The following NDUFAF6 variants were observed in gnomAD, a reference collection of about 807,000 sequenced individuals.
The protein encoded by NDUFAF6 is NADH:ubiquinone oxidoreductase complex assembly factor 6.
Under a neutral mutation model 40.8 loss-of-function variants are expected in NDUFAF6, and 45 were observed. That is an observed-to-expected ratio of 1.10 (90% CI 0.87 to 1.42). The LOEUF (loss-of-function observed/expected upper bound fraction) is 1.42. Among genes scored for constraint, NDUFAF6 ranks in the 40% most tolerant of loss-of-function variants. The pLI, the probability that NDUFAF6 is intolerant of heterozygous loss-of-function variation, is 0.00. For missense variants in NDUFAF6, 435 were observed against 418.5 expected (o/e 1.04, Z -0.34); for synonymous variants, 185 against 155.9 (o/e 1.19, Z -1.39).
chr8:94,954,533 G>A (rs1314499289), upstream of NDUFAF6, among the ~76,000 whole-genome samples: 3 of 152,198 alleles, frequency 2.0e-5, no homozygotes, highest in African/African-American at 7.2e-5. Flanking sequence ...GCTGGGTAAA[G>A]GGTTAGAGAG....
intron 2 of NDUFAF6, among the ~76,000 whole-genome samples, chr8:95,008,634 G>A (rs1216372824): frequency 1.3e-5 from 2 of 152,096 alleles, no homozygotes; most frequent in Non-Finnish European, 2.9e-5. Flanking sequence ...AGCCTCTCGA[G>A]TAGCCAGGAT....
At chr8:95,072,357 A>T (rs2132036528) in intron 9 of NDUFAF6, among the ~76,000 whole-genome samples, 1 of 152,238 alleles carries the variant, frequency 6.6e-6, no homozygotes, top group Middle Eastern at 3.4e-3. Context: ...CATCCTTTAT[A>T]CTGGTATACA....
At chr8:95,036,437 A>G (rs940404375) in intron 3 of NDUFAF6, 7 of 1,289,444 alleles carry the variant, frequency 5.4e-6, no homozygotes, top group Admixed American at 4.6e-5. Context: ...GCCCCAGTAA[A>G]GATGGAAAGC....
At chr8:94,992,012 C>T (rs989088304) in intron 2 of NDUFAF6, among the ~76,000 whole-genome samples, 4 of 152,176 alleles carry the variant, frequency 2.6e-5, no homozygotes, top group Admixed American at 2.6e-4. Context: ...TTAAAAACAA[C>T]TTTATTAACA....
At chr8:95,115,515 C>T (rs1365610675) in intron 4 of NDUFAF6, 3 of 150,766 alleles carry the variant, frequency 2.0e-5, no homozygotes, top group African/African-American at 7.4e-5. Context: ...TCTCCATTTC[C>T]CTTCTTTTTT....
upstream of NDUFAF6, among the ~76,000 whole-genome samples, chr8:95,099,372 T>A (rs1011538072): frequency 6.7e-6 from 1 of 149,784 alleles, no homozygotes; most frequent in Non-Finnish European, 1.5e-5. Flanking sequence ...AAATGGCCAC[T>A]CTCATCTGTG....
At chr8:95,035,138 C>T (rs1049898616) in intron 2 of NDUFAF6, among the ~76,000 whole-genome samples, 1 of 152,124 alleles carries the variant, frequency 6.6e-6, no homozygotes, top group African/African-American at 2.4e-5. Flanking sequence ...TCCTTGGCCT[C>T]CCAAAGTTTA....
chr8:94,938,577 G>T (rs1031596836), intron 1 of NDUFAF6, among the ~76,000 whole-genome samples: 3 of 152,314 alleles, frequency 2.0e-5, no homozygotes, highest in Admixed American at 1.3e-4. Context: ...AGGGGAGAGG[G>T]TCTGAAGGTT....
chr8:94,991,334 A>G (rs1826181202), intron 2 of NDUFAF6, among the ~76,000 whole-genome samples: 1 of 152,218 alleles, frequency 6.6e-6, no homozygotes, highest in Admixed American at 6.5e-5. Flanking sequence ...AGATCTGAAG[A>G]TCAGGGGCTT....
At chr8:95,109,372 G>A (rs569506683) in intron 4 of NDUFAF6, among the ~76,000 whole-genome samples, 3 of 152,320 alleles carry the variant, frequency 2.0e-5, no homozygotes, top group African/African-American at 7.2e-5. Context: ...ATCCAGAGAT[G>A]TCTGTAAGGT....
intron 7 of NDUFAF6, among the ~76,000 whole-genome samples, chr8:95,049,441 A>G (rs1831187983): frequency 6.6e-6 from 1 of 152,082 alleles, no homozygotes; most frequent in Non-Finnish European, 1.5e-5. Context: ...ATTCATCTCC[A>G]TGGTGTTATT....
chr8:95,002,816 T>C (rs577043877), intron 2 of NDUFAF6, among the ~76,000 whole-genome samples: 2 of 152,318 alleles, frequency 1.3e-5, no homozygotes, highest in East Asian at 1.9e-4. Context: ...GCTCATACAA[T>C]TGACAAGTCC....
chr8:95,107,173 CACAT>C (rs769528197), downstream of NDUFAF6, among the ~76,000 whole-genome samples: 1 of 152,178 alleles, frequency 6.6e-6, no homozygotes, highest in African/African-American at 2.4e-5. Context: ...ACTATAAAGA[CACAT>C]GCATGCATAT....
chr8:95,065,941 T>C (rs1832692919), intron 9 of NDUFAF6, among the ~76,000 whole-genome samples: 1 of 152,220 alleles, frequency 6.6e-6, no homozygotes, highest in African/African-American at 2.4e-5. Flanking sequence ...ACGATTTCTT[T>C]TAGTACTTTC....
At chr8:95,048,909 C>A (rs149264785) in intron 7 of NDUFAF6, among the ~76,000 whole-genome samples, 64 of 152,284 alleles carry the variant, frequency 4.2e-4, no homozygotes, top group Non-Finnish European at 7.1e-4. Flanking sequence ...TCAGCCACCC[C>A]CAGCTGGTGT....
At chr8:94,994,896 C>T (rs962379164) in intron 2 of NDUFAF6, among the ~76,000 whole-genome samples, 1 of 152,080 alleles carries the variant, frequency 6.6e-6, no homozygotes, top group African/African-American at 2.4e-5. Flanking sequence ...CTGTGTAAAA[C>T]GATGCAGCTG....
chr8:94,956,198 C>A (rs957671916), upstream of NDUFAF6, among the ~76,000 whole-genome samples: 2 of 152,158 alleles, frequency 1.3e-5, no homozygotes, highest in Non-Finnish European at 2.9e-5. Flanking sequence ...GCATTTAATA[C>A]AATGCTTGGC....
intron 3 of NDUFAF6, chr8:95,036,499 G>GTA: frequency 7.8e-7 from 1 of 1,289,156 alleles, no homozygotes; most frequent in South Asian, 1.2e-5. Flanking sequence ...GAAGCTGTGA[G>GTA]TATTAGATTA....
chr8:95,036,628 T>C, intron 3 of NDUFAF6: 1 of 657,938 alleles, frequency 1.5e-6, no homozygotes, highest in Non-Finnish European at 2.2e-6. Context: ...CGGAGTATAG[T>C]GGAGGTGGAG....
Sources: allele counts gnomAD v4.1 joint callset (sites outside exome capture counted in the v4.1 genomes callset), GRCh38; gene constraint gnomAD v4.1.1; transcripts MANE v1.5; gene names NCBI Gene and HGNC (gene_info 2026-07-23, HGNC 2026-07-21).